Variants in CDH22 observed in about 807,000 individuals in gnomAD.
CDH22 encodes the protein cadherin-22.
In CDH22, 30 loss-of-function variants were observed where a neutral mutation model predicts 58.4. The ratio of observed to expected loss-of-function variants is 0.51; its 90% CI spans 0.38 to 0.70. The LOEUF (loss-of-function observed/expected upper bound fraction) is 0.70. Among genes scored for constraint, CDH22 ranks in the 30% least tolerant of loss-of-function variants. The probability of loss-of-function intolerance (pLI) is 0.00; values close to 1 mark genes in which losing one functional copy is unlikely to be tolerated. For synonymous variants in CDH22, 513 were observed against 558.2 expected, an observed-to-expected ratio of 0.92 and a Z score of 1.14; for missense variants, 1,014 against 1,233.9, an observed-to-expected ratio of 0.82 and a Z score of 2.67.
chr20:46,196,698 G>A (rs2085905791), intron 8 of CDH22, among the ~76,000 whole-genome samples: 1 of 152,196 alleles, frequency 6.6e-6, no homozygotes, highest in Admixed American at 6.5e-5. Flanking sequence ...TCGCCTTGCT[G>A]AGTCAGGTTC....
rs1455154699 is a variant in CDH22, at chr20:46,173,766, C to G, written c.*740G>C. ...GTAACAAAGGCTAGCATTTATTGAA[C>G]ACCTACTATGTGCCAGGCACTGTCC... is the stretch of plus-strand genomic sequence containing the variant. On this transcript the variant is annotated 3_prime_UTR_variant, in exon 12 of 12. Transcript: ENST00000537909. 1 of 152,338 alleles carries G rather than the reference C, an allele frequency of 6.6e-6. No homozygotes were observed. Among genetic ancestry groups the G allele is most frequent in the African/African-American group, 2.4e-5 (1 of 41,468 alleles). 9.4% of individuals were successfully genotyped at this position (152,338 alleles called of 1,614,324 possible).
At position 46,241,035 on chromosome 20, in the gene CDH22, C is replaced by G; in HGVS notation, c.478G>C (p.Asp160His). The change falls in exon 3 of 12, where the codon GAC becomes CAC. Residue 160 changes from aspartate (D) to histidine (H), a missense_variant. By Grantham distance (81) the Asp-to-His change is moderately conservative. Transcript: ENST00000537909. This position sits in a 1 kb window ranked among gnomAD's most constrained non-coding sequence, Gnocchi z 5.2. ...PESEFIIKVQ[D>H]INDSEPRFLH... ...AAGCGGGGCTCACTGTCATTGATGT[C>G]CTGCACCTTGATGATGAACTCCGAC... 6.2e-7 allele frequency: 1 copy of G among 1,614,106 alleles called. No individual in the cohort carries two copies. The highest frequency in any genetic ancestry group is 8.5e-7 in the Non-Finnish European group (1 of 1,180,010).
intron 10 of CDH22, among the ~76,000 whole-genome samples, chr20:46,181,793 T>TCC (rs2085790886): frequency 7.3e-6 from 1 of 136,458 alleles, no homozygotes; most frequent in Non-Finnish European, 1.6e-5. Context: ...CTTTCTTTCT[T>TCC]TTCTCTCTCT....
At chr20:46,255,589 C>A (rs1256748130) in intron 1 of CDH22, among the ~76,000 whole-genome samples, 2 of 152,182 alleles carry the variant, frequency 1.3e-5, no homozygotes, top group African/African-American at 4.8e-5. Flanking sequence ...CCCTTCCTGG[C>A]CCTTCATACC....
chr20:46,301,371 C>T (rs1055303532), intron 1 of CDH22, among the ~76,000 whole-genome samples: 3 of 152,108 alleles, frequency 2.0e-5, no homozygotes, highest in African/African-American at 7.2e-5. Flanking sequence ...AACAGAGGCT[C>T]ACTCAGCTAT....
chr20:46,224,312 C>T (rs1392437316), intron 4 of CDH22, among the ~76,000 whole-genome samples: 2 of 152,208 alleles, frequency 1.3e-5, no homozygotes, highest in Non-Finnish European at 2.9e-5. Flanking sequence ...CTGAAGCATT[C>T]CTAGTGCCTA....
chr20:46,231,811 C>T (rs999168360), intron 3 of CDH22, among the ~76,000 whole-genome samples: 2 of 152,204 alleles, frequency 1.3e-5, no homozygotes, highest in East Asian at 3.9e-4. Flanking sequence ...GTTTCAGGTC[C>T]TACCACTTCC....
chr20:46,222,979 G>A (rs2086137650), intron 4 of CDH22, among the ~76,000 whole-genome samples: 1 of 152,258 alleles, frequency 6.6e-6, no homozygotes, highest in Non-Finnish European at 1.5e-5. Context: ...GGGAACTAGA[G>A]CTGGGGCTGG....
chr20:46,210,354 G>C lies in CDH22; in HGVS notation c.1239C>G (p.Val413=). 1 of 1,470,576 alleles carries C rather than the reference G, an allele frequency of 6.8e-7. No individual in the cohort carries two copies. The highest frequency in any genetic ancestry group is 9.0e-7 in the Non-Finnish European group (1 of 1,114,692). The allele number at this position is 1,470,576 out of a possible 1,614,324, so 91.1% of individuals were successfully genotyped here. A position where few individuals can be genotyped will look rare whatever the true frequency, so the allele number is the denominator to read the frequency against. The change falls in exon 7 of 12, where the codon GTC becomes GTG. Residue 413 remains valine, a synonymous_variant. Transcript: ENST00000537909. The surrounding 1 kb of genome is among the most constrained non-coding windows in gnomAD (Gnocchi z 4.5). ...CGGGGTCCCGCGCCGTCACCACGCC[G>C]ACCAGGGAGCCCACCTGCGCGTCCT... The part of the protein sequence containing the change: ...VQEDAQVGSL[V]GVVTARDPDA...
intron 1 of CDH22, among the ~76,000 whole-genome samples, chr20:46,303,554 T>C (rs1229431227): frequency 1.3e-5 from 2 of 152,096 alleles, no homozygotes; most frequent in Non-Finnish European, 2.9e-5. Flanking sequence ...ATGCTTTATA[T>C]GTAAATATAT....
chr20:46,303,334 C>G (rs940926183), intron 1 of CDH22, among the ~76,000 whole-genome samples: 1 of 152,186 alleles, frequency 6.6e-6, no homozygotes, highest in African/African-American at 2.4e-5. Context: ...AACTGCGAGA[C>G]AGCCTGCAGG....
At chr20:46,267,159 G>A (rs1360921475) in intron 1 of CDH22, among the ~76,000 whole-genome samples, 1 of 152,092 alleles carries the variant, frequency 6.6e-6, no homozygotes, top group African/African-American at 2.4e-5. Context: ...AGTGGGAGAA[G>A]CCAGGACTTG....
chr20:46,228,120 G>A (rs1040374674), intron 3 of CDH22, among the ~76,000 whole-genome samples: 1 of 152,216 alleles, frequency 6.6e-6, no homozygotes, highest in Non-Finnish European at 1.5e-5. Flanking sequence ...ACCCACTCCA[G>A]CTCCTACTGA....
intron 1 of CDH22, among the ~76,000 whole-genome samples, chr20:46,307,735 C>T (rs1347189873): frequency 1.3e-5 from 2 of 151,968 alleles, no homozygotes; most frequent in Non-Finnish European, 2.9e-5. Context: ...ACACACACAC[C>T]GCGCGCACAC....
Position 46,225,474 on chromosome 20 carries a change from G to C in CDH22, c.670+2034C>G, listed in dbSNP as rs148762338. ...AAGCCGTGTGTATAGTGTGTTTATA[G>C]CTACCATTCATGTAAAAAAAATAAA... is the stretch of plus-strand genomic sequence containing the variant. On this transcript the variant is annotated intron_variant, in intron 4 of 11. Coordinates refer to ENST00000537909, the MANE Select transcript of CDH22 (RefSeq NM_021248.3). 3.6e-3 allele frequency among the ~76,000 whole-genome samples: 543 copies of C among 152,216 alleles called. 5 individuals carry two copies. The highest frequency in any genetic ancestry group is 0.013 in the African/African-American group (523 of 41,546).
chr20:46,298,005 C>T (rs1339696119), intron 1 of CDH22, among the ~76,000 whole-genome samples: 1 of 152,158 alleles, frequency 6.6e-6, no homozygotes, highest in East Asian at 1.9e-4. Context: ...CTACTAACTC[C>T]TCCACAAATG....
chr20:46,245,149 C>T (rs924164974), intron 2 of CDH22, among the ~76,000 whole-genome samples: 6 of 152,124 alleles, frequency 3.9e-5, no homozygotes, highest in East Asian at 1.9e-4. Flanking sequence ...CAGGAGGGGT[C>T]GAGGGGTCAC....
At chr20:46,207,667 C>G (rs1311279684) in intron 7 of CDH22, among the ~76,000 whole-genome samples, 1 of 152,218 alleles carries the variant, frequency 6.6e-6, no homozygotes, top group East Asian at 1.9e-4. Flanking sequence ...CTCTGAGGCC[C>G]TGTTAGACTT....
rs373072986 is a variant in CDH22, at chr20:46,290,548, G to T, written c.-400+17707C>A. On this transcript the variant is annotated intron_variant, in intron 1 of 11. Transcript: ENST00000537909. Reference sequence around the variant, plus strand: ...CTAATCCAAGTGGGCCAGGAGTCAGGATATGAGTGTTTAGGGGGAGGGCTA... The same window carrying T: ...CTAATCCAAGTGGGCCAGGAGTCAGTATATGAGTGTTTAGGGGGAGGGCTA... Among the ~76,000 whole-genome samples the T allele has an allele frequency of 1.4e-4, 21 of 152,324 alleles. No individual in the cohort carries two copies. In the East Asian group the frequency reaches 2.9e-3, roughly 21 times the overall value.
Sources: allele counts gnomAD v4.1 joint callset (sites outside exome capture counted in the v4.1 genomes callset), GRCh38; gene constraint gnomAD v4.1.1; non-coding constraint Gnocchi (gnomAD v3.1); transcripts MANE v1.5; gene names NCBI Gene and HGNC (gene_info 2026-07-23, HGNC 2026-07-21).